VPS26A: variants seen among roughly 807,000 people sequenced by gnomAD.
VPS26A encodes the protein VPS26 retromer complex component A, also known as vacuolar protein sorting-associated protein 26A.
In VPS26A, 22 loss-of-function variants were observed where a neutral mutation model predicts 42.4. That is an observed-to-expected ratio of 0.52 (90% CI 0.37 to 0.74). VPS26A has a LOEUF of 0.74. VPS26A is among the 30% of genes least tolerant of loss of function. The pLI, the probability that VPS26A is intolerant of heterozygous loss-of-function variation, is 0.00. For missense variants in VPS26A, 276 were observed against 379.2 expected, an observed-to-expected ratio of 0.73 and a Z score of 2.26; for synonymous variants, 110 against 123.5, an observed-to-expected ratio of 0.89 and a Z score of 0.73.
At chr10:69,160,378 T>C (rs1388229989) in intron 5 of VPS26A, among the ~76,000 whole-genome samples, 1 of 152,042 alleles carries the variant, frequency 6.6e-6, no homozygotes, top group Non-Finnish European at 1.5e-5. Context: ...CAGGCTGGTC[T>C]CAAACTCCTG....
intron 6 of VPS26A, among the ~76,000 whole-genome samples, chr10:69,163,543 G>A (rs1251274185): frequency 6.6e-6 from 1 of 152,204 alleles, no homozygotes; most frequent in Non-Finnish European, 1.5e-5. Context: ...GCACAATGCT[G>A]TAAAAACTTT....
intron 2 of VPS26A, among the ~76,000 whole-genome samples, chr10:69,151,275 A>AG (rs1564680876): frequency 1.4e-5 from 1 of 70,630 alleles, no homozygotes; most frequent in Admixed American, 1.6e-4. Context: ...AAAAAAAAAA[A>AG]AAAAAAAACA....
At chr10:69,148,235 C>T (rs1489001146) in intron 2 of VPS26A, among the ~76,000 whole-genome samples, 2 of 152,124 alleles carry the variant, frequency 1.3e-5, no homozygotes, top group Admixed American at 1.3e-4. Flanking sequence ...TCTCTACTTT[C>T]ATTTGTAAGA....
At chr10:69,160,153 C>T (rs1841522443) in intron 5 of VPS26A, among the ~76,000 whole-genome samples, 1 of 93,970 alleles carries the variant, frequency 1.1e-5, no homozygotes, top group Non-Finnish European at 2.8e-5. Flanking sequence ...CACACACACA[C>T]ACACACACAC....
rs367660900 is a variant in VPS26A, at chr10:69,158,611, T to C, written c.551+400T>C. 2.6e-4 allele frequency among the ~76,000 whole-genome samples: 39 copies of C among 152,308 alleles called. 2 individuals are homozygous for C. In the East Asian group the frequency reaches 5.2e-3, roughly 20 times the overall value. On this transcript the variant is annotated intron_variant, in intron 5 of 8. Coordinates refer to ENST00000263559, the MANE Select transcript of VPS26A (RefSeq NM_004896.5). ...CTTGGGGGGAGGGGGAAGGTATATA[T>C]GTTTATATATGTTGTATTTTTACAA...
chr10:69,161,994 C>CT lies in VPS26A; in HGVS notation c.552-394dup, dbSNP rs36040871. The CT allele has an allele frequency of 2.0e-3, 266 of 132,470 alleles. 2 individuals are homozygous for CT. The highest frequency in any genetic ancestry group is 7.9e-3 in the South Asian group (33 of 4,180). 8.2% of individuals were successfully genotyped at this position (132,470 alleles called of 1,614,324 possible). On this transcript the variant is annotated intron_variant, in intron 5 of 8. Transcript: ENST00000263559. Reference sequence around the variant, plus strand: ...GGCAAGGAAAGAGCTCAAAATAGTACTTTTTTTTTTTTTTTTTTGAGATGG... The same window carrying CT: ...GGCAAGGAAAGAGCTCAAAATAGTACTTTTTTTTTTTTTTTTTTTGAGATGG...
At chr10:69,128,423 G>A (rs1022073966) in intron 1 of VPS26A, among the ~76,000 whole-genome samples, 4 of 151,308 alleles carry the variant, frequency 2.6e-5, no homozygotes, top group African/African-American at 9.7e-5. Context: ...GTAGAGATGG[G>A]GTTTCACCGT....
At chr10:69,124,835 G>T (rs1004820465) in intron 1 of VPS26A, among the ~76,000 whole-genome samples, 16 of 152,238 alleles carry the variant, frequency 1.1e-4, no homozygotes, top group Non-Finnish European at 2.1e-4. Flanking sequence ...AAAAATAAAA[G>T]GACGTTGGAA....
intron 6 of VPS26A, among the ~76,000 whole-genome samples, chr10:69,165,179 TG>T (rs1841659734): frequency 6.6e-6 from 1 of 151,984 alleles, no homozygotes; most frequent in South Asian, 2.1e-4. Context: ...CTGCCTGCCT[TG>T]GCCTCTCAAA....
At chr10:69,154,141 T>TA (rs2132223205) in intron 2 of VPS26A, among the ~76,000 whole-genome samples, 1 of 152,312 alleles carries the variant, frequency 6.6e-6, no homozygotes, top group South Asian at 2.1e-4. Flanking sequence ...AGGTAATACT[T>TA]AGAGAAGAAG....
intron 2 of VPS26A, among the ~76,000 whole-genome samples, chr10:69,148,607 G>T (rs1438681062): frequency 6.6e-6 from 1 of 152,030 alleles, no homozygotes; most frequent in Non-Finnish European, 1.5e-5. Flanking sequence ...AATGGTGTGT[G>T]GTACATTGAT....
intron 1 of VPS26A, among the ~76,000 whole-genome samples, chr10:69,124,607 C>T (rs1421845546): frequency 6.6e-6 from 1 of 152,214 alleles, no homozygotes; most frequent in African/African-American, 2.4e-5. Flanking sequence ...GCCTCCCCTT[C>T]CTAGGTAGCC....
intron 2 of VPS26A, 40 bp from the exon 3 acceptor site, chr10:69,155,772 T>G: frequency 6.5e-7 from 1 of 1,527,292 alleles, no homozygotes; most frequent in Non-Finnish European, 9.0e-7. Flanking sequence ...GGCCCACTCA[T>G]AGGATTGTTA....
At chr10:69,142,919 A>G (rs757554558) in intron 2 of VPS26A, among the ~76,000 whole-genome samples, 4 of 152,220 alleles carry the variant, frequency 2.6e-5, no homozygotes, top group Admixed American at 6.5e-5. Flanking sequence ...CTGGTCACCA[A>G]ATCTCTGCTA....
chr10:69,153,489 A>G (rs1005071279), intron 2 of VPS26A, among the ~76,000 whole-genome samples: 14 of 149,090 alleles, frequency 9.4e-5, no homozygotes, highest in Admixed American at 8.8e-4. Flanking sequence ...GACTACAGGC[A>G]CACACGCCCC....
intron 3 of VPS26A, among the ~76,000 whole-genome samples, chr10:69,156,224 A>G (rs1414892807): frequency 6.6e-6 from 1 of 151,238 alleles, no homozygotes; most frequent in Non-Finnish European, 1.5e-5. Flanking sequence ...TTCATTTTCT[A>G]ATTACCCATG....
chr10:69,144,014 A>G (rs1199777513), intron 2 of VPS26A, among the ~76,000 whole-genome samples: 2 of 152,204 alleles, frequency 1.3e-5, no homozygotes, highest in African/African-American at 4.8e-5. Context: ...CACTGTGTCC[A>G]GCCTCAGATT....
intron 3 of VPS26A, 47 bp downstream of exon 3, chr10:69,155,934 T>C: frequency 6.9e-7 from 1 of 1,450,396 alleles, no homozygotes; most frequent in African/African-American, 1.4e-5. Flanking sequence ...TAACTGAATT[T>C]GAAGAGGGTT....
Position 69,159,455 on chromosome 10 carries a change from T to C in VPS26A, c.551+1244T>C, listed in dbSNP as rs528620172. On this transcript the variant is annotated intron_variant, in intron 5 of 8. Transcript: ENST00000263559. ...AGAAGCGTGTCCATGATATATTAAG[T>C]GAAAAATTTAGCCATAAAAACAGCA... Among the ~76,000 whole-genome samples the C allele has an allele frequency of 3.4e-4, 52 of 151,898 alleles. 1 individual carries two copies. The highest frequency in any genetic ancestry group is 1.1e-3 in the African/African-American group (45 of 41,424).
Sources: gnomAD v4.1 joint callset for allele counts (sites outside exome capture counted in the v4.1 genomes callset) on GRCh38, gnomAD v4.1.1 for gene constraint, MANE v1.5 for transcripts, NCBI Gene and HGNC (gene_info 2026-07-23, HGNC 2026-07-21) for gene names.